Variants in MTSS1 observed in about 807,000 individuals in gnomAD.
MTSS1 encodes the protein protein MTSS 1.
In MTSS1, 18 loss-of-function variants were observed where a neutral mutation model predicts 79.0. That is an observed-to-expected ratio of 0.23 (90% confidence interval 0.16 to 0.34). The LOEUF is 0.34. Ranked by LOEUF, MTSS1 falls within the 10% of genes least tolerant of loss-of-function variation. The pLI, the probability that MTSS1 is intolerant of heterozygous loss-of-function variation, is 1.00. For missense variants in MTSS1, 815 were observed against 986.2 expected (o/e 0.83, Z 2.33); for synonymous variants, 341 against 368.6 (o/e 0.93, Z 0.86).
intron 3 of MTSS1, among the ~76,000 whole-genome samples, chr8:124,661,867 C>T (rs1563952679): frequency 6.6e-6 from 1 of 152,232 alleles, no homozygotes; most frequent in Non-Finnish European, 1.5e-5. Context: ...TTTCTGACTC[C>T]CCTTAGACTA....
chr8:124,563,127 G>T, intron 9 of MTSS1, 135 bp from the exon 10 acceptor site: 1 of 738,846 alleles, frequency 1.4e-6, no homozygotes, highest in Non-Finnish European at 2.2e-6. Flanking sequence ...TTAGCTCTCT[G>T]CCCTGGAGAT....
At chr8:124,627,261 C>A (rs1814878408) in intron 3 of MTSS1, among the ~76,000 whole-genome samples, 1 of 152,208 alleles carries the variant, frequency 6.6e-6, no homozygotes, top group Admixed American at 6.5e-5. Context: ...ATTTAGTTAT[C>A]AAGTTGGTAC....
chr8:124,608,926 T>A (rs564316610), intron 3 of MTSS1, among the ~76,000 whole-genome samples: 1 of 152,326 alleles, frequency 6.6e-6, no homozygotes, highest in African/African-American at 2.4e-5. Context: ...AACTTCAGTA[T>A]ACACAAGGAT....
At chr8:124,583,581 C>T (rs925862336) in intron 6 of MTSS1, among the ~76,000 whole-genome samples, 5 of 152,184 alleles carry the variant, frequency 3.3e-5, no homozygotes, top group Non-Finnish European at 1.5e-5. Flanking sequence ...TAGCCAAGAA[C>T]TTAGGGCCTC....
chr8:124,688,255 G>C (rs1827322136), intron 3 of MTSS1, among the ~76,000 whole-genome samples: 1 of 152,040 alleles, frequency 6.6e-6, no homozygotes, highest in Non-Finnish European at 1.5e-5. Context: ...GTGCGTGTGT[G>C]TGTGCATGTG....
intron 6 of MTSS1, among the ~76,000 whole-genome samples, chr8:124,574,298 A>G (rs988276263): frequency 2.0e-5 from 3 of 152,176 alleles, no homozygotes; most frequent in Admixed American, 2.0e-4. Context: ...CTGGAATGAA[A>G]TAAAGATCCT....
intron 3 of MTSS1, among the ~76,000 whole-genome samples, chr8:124,611,095 C>G (rs908783097): frequency 6.8e-6 from 1 of 147,766 alleles, no homozygotes; most frequent in Non-Finnish European, 1.5e-5. Flanking sequence ...GTGCACAAAC[C>G]CACCAGACAG....
At position 124,613,579 on chromosome 8, in the gene MTSS1, G is replaced by A. The variant is rs528446221; in HGVS notation, c.209-22344C>T. The stretch of plus-strand genomic sequence containing the variant: ...AATGTGTGTAACAATTGGGAGGAGA[G>A]TATCACTGCCTCCAAAGACAGCTAC... On this transcript the variant is annotated intron_variant, in intron 3 of 13. Coordinates refer to ENST00000518547, the MANE Select transcript of MTSS1 (RefSeq NM_014751.6). 3.3e-5 allele frequency among the ~76,000 whole-genome samples: 5 copies of A among 152,314 alleles called. No individual in the cohort carries two copies. In the East Asian group the frequency reaches 7.7e-4, roughly 23 times the overall value.
At chr8:124,643,698 CAAAAAA>C (rs11323836) in intron 3 of MTSS1, among the ~76,000 whole-genome samples, 1 of 66,920 alleles carries the variant, frequency 1.5e-5, no homozygotes, top group African/African-American at 5.9e-5. Context: ...AATTCCGTCT[CAAAAAA>C]AAAAAAAAAA....
At chr8:124,564,693 A>ACACACACACACACC (rs2132004756) in intron 9 of MTSS1, 1 of 148,732 alleles carries the variant, frequency 6.7e-6, no homozygotes, top group South Asian at 2.1e-4. Flanking sequence ...TCTTTCACTC[A>ACACACACACACACC]CACACACACA....
At chr8:124,559,009 C>T (rs12334551) in intron 10 of MTSS1, among the ~76,000 whole-genome samples, 66 of 152,320 alleles carry the variant, frequency 4.3e-4, no homozygotes, top group African/African-American at 1.6e-3. Context: ...GTTAGGGTTA[C>T]TTTTCCCCCA....
At chr8:124,574,576 A>G (rs1305561093) in intron 6 of MTSS1, among the ~76,000 whole-genome samples, 2 of 152,172 alleles carry the variant, frequency 1.3e-5, no homozygotes, top group Non-Finnish European at 2.9e-5. Context: ...CAGGAGCTAA[A>G]CAGCCGATCA....
intron 13 of MTSS1, 53 bp downstream of exon 13, chr8:124,555,689 C>G (rs551636539): frequency 6.6e-7 from 1 of 1,505,280 alleles, no homozygotes; most frequent in African/African-American, 1.4e-5. Flanking sequence ...TTTCTATCTC[C>G]TCACCTGGTG....
intron 3 of MTSS1, among the ~76,000 whole-genome samples, chr8:124,685,814 G>C (rs183487342): frequency 1.3e-5 from 2 of 152,144 alleles, no homozygotes; most frequent in Admixed American, 6.5e-5. Flanking sequence ...GCCAGAAGAA[G>C]ACATTCAGGA....
At position 124,693,585 on chromosome 8, in the gene MTSS1, A is replaced by G. The variant is rs1828302823; in HGVS notation, c.208+5941T>C. On this transcript the variant is annotated intron_variant, in intron 3 of 13. Coordinates refer to ENST00000518547, the MANE Select transcript of MTSS1 (RefSeq NM_014751.6). ...TGCTTCACCAACCTCGGCGATCCAG[A>G]CTCACTGATTAAAGCGCATGTCTGA... Among the ~76,000 whole-genome samples, 4 of 152,250 alleles carry G rather than the reference A, an allele frequency of 2.6e-5. No homozygotes were observed. The South Asian group carries it at 6.2e-4, about 24-fold the overall frequency.
At chr8:124,570,609 G>A (rs1318293143) in intron 6 of MTSS1, among the ~76,000 whole-genome samples, 1 of 152,198 alleles carries the variant, frequency 6.6e-6, no homozygotes, top group Non-Finnish European at 1.5e-5. Context: ...ACTATCTGCA[G>A]TTTTAGGCAT....
chr8:124,589,722 G>A lies in MTSS1; in HGVS notation c.294-11C>T. The A allele has an allele frequency of 6.3e-7, 1 of 1,578,708 alleles. No homozygotes were observed. On this transcript the variant is annotated splice_polypyrimidine_tract_variant and intron_variant, in intron 4 of 13. Transcript: ENST00000518547. ...CAATCAATTAAAGCGCTTTTACCAA[G>A]CGGGGGGGAAAAAGGGAGAAATTAA...
In MTSS1 at chr8:124,695,994, AT is replaced by A. The variant is rs1217037304; in HGVS notation, c.208+3531del. Among the ~76,000 whole-genome samples the A allele has an allele frequency of 5.8e-3, 869 of 149,260 alleles. 3 individuals carry two copies. The highest frequency in any genetic ancestry group is 6.7e-3 in the Non-Finnish European group (447 of 67,162). The stretch of plus-strand genomic sequence containing the variant: ...AATTTTAGTTTATATATTTATTTCA[AT>A]TTTTTTTTTGGACACAGAGTCTTGC... On this transcript the variant is annotated intron_variant, in intron 3 of 13. Transcript: ENST00000518547.
At chr8:124,591,728 G>A (rs2132700560) in intron 3 of MTSS1, among the ~76,000 whole-genome samples, 1 of 152,202 alleles carries the variant, frequency 6.6e-6, no homozygotes, top group South Asian at 2.1e-4. Context: ...CAAGACAAAT[G>A]TTCTAGAATA....
Sources: allele counts gnomAD v4.1 joint callset (sites outside exome capture counted in the v4.1 genomes callset), GRCh38; gene constraint gnomAD v4.1.1; transcripts MANE v1.5; gene names NCBI Gene and HGNC (gene_info 2026-07-23, HGNC 2026-07-21).